The following DTNBP1 variants were observed in gnomAD, a reference collection of about 807,000 sequenced individuals.
DTNBP1 encodes the protein dysbindin.
DTNBP1 carries 35 observed loss-of-function variants against 42.8 expected under a neutral mutation model. The ratio of observed to expected loss-of-function variants is 0.82; its 90% CI spans 0.63 to 1.09. DTNBP1 has a LOEUF of 1.09. DTNBP1 is among the 50% of genes least tolerant of loss of function. DTNBP1 has a pLI of 0.00. For synonymous variants in DTNBP1, 171 were observed against 162.2 expected (o/e 1.05, Z -0.41); for missense variants, 457 against 424.2 (o/e 1.08, Z -0.68).
chr6:15,618,320 C>A, intron 5 of DTNBP1, among the ~76,000 whole-genome samples: 1 of 151,798 alleles, frequency 6.6e-6, no homozygotes, highest in Non-Finnish European at 1.5e-5. Context: ...ATCATCTCAC[C>A]CTCGTTAGAA....
intron 6 of DTNBP1, among the ~76,000 whole-genome samples, chr6:15,604,044 G>T (rs936172609): frequency 2.6e-5 from 4 of 152,158 alleles, no homozygotes; most frequent in African/African-American, 9.7e-5. Flanking sequence ...CTCTGCCTGG[G>T]TCCACTTCCC....
intron 6 of DTNBP1, among the ~76,000 whole-genome samples, chr6:15,603,456 T>C (rs79010949): frequency 0.012 from 1,804 of 152,320 alleles, 37 homozygotes; most frequent in African/African-American, 0.04. Flanking sequence ...AGAATACAGT[T>C]ACAATAACAA....
intron 3 of DTNBP1, among the ~76,000 whole-genome samples, chr6:15,640,753 T>C (rs1285036783): frequency 6.6e-6 from 1 of 152,188 alleles, no homozygotes; most frequent in Non-Finnish European, 1.5e-5. Flanking sequence ...CTGTCTGATG[T>C]AACTATTTTG....
chr6:15,607,118 C>A (rs922829066), intron 6 of DTNBP1, among the ~76,000 whole-genome samples: 2 of 150,174 alleles, frequency 1.3e-5, no homozygotes. Context: ...TCAAGCAATT[C>A]TCCTGCCTTA....
intron 6 of DTNBP1, among the ~76,000 whole-genome samples, chr6:15,598,778 T>A (rs1401528750): frequency 6.6e-6 from 1 of 152,152 alleles, no homozygotes; most frequent in Non-Finnish European, 1.5e-5. Context: ...ACCTTAAAAG[T>A]CTCTGTTGTC....
intron 6 of DTNBP1, among the ~76,000 whole-genome samples, chr6:15,595,853 G>C (rs2113637852): frequency 6.6e-6 from 1 of 152,322 alleles, no homozygotes; most frequent in African/African-American, 2.4e-5. Context: ...ACAGCAGGCT[G>C]AATGAAGAGA....
intron 3 of DTNBP1, among the ~76,000 whole-genome samples, chr6:15,646,113 T>C (rs1581431567): frequency 6.6e-6 from 1 of 151,592 alleles, no homozygotes; most frequent in South Asian, 2.1e-4. Flanking sequence ...ACAAAAGCAA[T>C]GTACAAAACT....
chr6:15,626,806 A>G (rs1759375930), intron 5 of DTNBP1, among the ~76,000 whole-genome samples: 1 of 152,050 alleles, frequency 6.6e-6, no homozygotes, highest in South Asian at 2.1e-4. Flanking sequence ...GCTGGATTCA[A>G]ACTCCTGGGC....
intron 7 of DTNBP1, among the ~76,000 whole-genome samples, chr6:15,568,190 G>T (rs1775181898): frequency 6.6e-6 from 1 of 152,172 alleles, no homozygotes; most frequent in African/African-American, 2.4e-5. Flanking sequence ...ATAAAGGAAT[G>T]TTCCTATCCC....
intron 3 of DTNBP1, among the ~76,000 whole-genome samples, chr6:15,650,655 T>A (rs1325764842): frequency 6.6e-6 from 1 of 152,126 alleles, no homozygotes; most frequent in East Asian, 1.9e-4. Context: ...TATCGGTCGT[T>A]TGCATATCTT....
chr6:15,591,110 CTT>C (rs1293474353), intron 7 of DTNBP1, among the ~76,000 whole-genome samples: 38 of 139,984 alleles, frequency 2.7e-4, no homozygotes, highest in Non-Finnish European at 3.1e-4. Flanking sequence ...TTATAGGGTA[CTT>C]TTTTTTTTTT....
In DTNBP1 at chr6:15,523,090, C is replaced by T. The variant is rs747020567; in HGVS notation, c.941G>A (p.Gly314Glu). ...DSATRDISEGGESPVVQSDEE... is the reference protein window; with the variant it reads ...DSATRDISEGEESPVVQSDEE... ...ATCGGACTGAACAACGGGGGACTCCCCACCCTCACTGATGTCCCGGGTGGC... is the reference window on the plus strand; with the variant it reads ...ATCGGACTGAACAACGGGGGACTCCTCACCCTCACTGATGTCCCGGGTGGC... Residue 314 changes from glycine to glutamate, a missense_variant, in exon 10 of 10, where the codon GGG becomes GAG. Transcript: ENST00000344537. 8.1e-6 allele frequency: 13 copies of T among 1,614,204 alleles called. No homozygotes were observed. Among genetic ancestry groups the T allele is most frequent in the East Asian group, 2.2e-5 (1 of 44,876 alleles).
At chr6:15,523,261 T>C (rs1429952941) in intron 9 of DTNBP1, 42 bp from the exon 10 acceptor site, 2 of 1,612,640 alleles carry the variant, frequency 1.2e-6, no homozygotes, top group African/African-American at 1.3e-5. Flanking sequence ...GTCATAAAAA[T>C]ATTGTGAATC....
intron 7 of DTNBP1, among the ~76,000 whole-genome samples, chr6:15,575,491 T>G (rs943760320): frequency 6.6e-6 from 1 of 152,210 alleles, no homozygotes; most frequent in African/African-American, 2.4e-5. Context: ...TGACATTTTG[T>G]CTCACAAAGG....
At chr6:15,621,134 T>C (rs1759019202) in intron 5 of DTNBP1, among the ~76,000 whole-genome samples, 1 of 152,200 alleles carries the variant, frequency 6.6e-6, no homozygotes, top group African/African-American at 2.4e-5. Flanking sequence ...TACACACCTA[T>C]AAGTTATTTT....
At chr6:15,555,404 G>C (rs1774455448) in intron 7 of DTNBP1, among the ~76,000 whole-genome samples, 1 of 152,022 alleles carries the variant, frequency 6.6e-6, no homozygotes, top group Non-Finnish European at 1.5e-5. Flanking sequence ...GGCATTCTTA[G>C]TCACAGGATG....
chr6:15,529,512 T>C (rs1229597160), intron 8 of DTNBP1, among the ~76,000 whole-genome samples: 1 of 152,214 alleles, frequency 6.6e-6, no homozygotes, highest in African/African-American at 2.4e-5. Flanking sequence ...AATTTTATCA[T>C]TAGCCCCAAA....
chr6:15,525,312 T>C (rs1246652194), intron 8 of DTNBP1, among the ~76,000 whole-genome samples: 1 of 152,186 alleles, frequency 6.6e-6, no homozygotes, highest in African/African-American at 2.4e-5. Context: ...TCTTTACTCA[T>C]AGGCAAACGA....
intron 3 of DTNBP1, among the ~76,000 whole-genome samples, chr6:15,648,586 T>G (rs1488987495): frequency 6.6e-6 from 1 of 152,014 alleles, no homozygotes; most frequent in Non-Finnish European, 1.5e-5. Flanking sequence ...AAGTCAGTTG[T>G]TTCTATATAC....
Sources: allele counts gnomAD v4.1 joint callset (sites outside exome capture counted in the v4.1 genomes callset), GRCh38; gene constraint gnomAD v4.1.1; transcripts MANE v1.5; gene names NCBI Gene and HGNC (gene_info 2026-07-23, HGNC 2026-07-21).